Variants in RBM39 observed in about 807,000 individuals in gnomAD.
RBM39 encodes the protein RNA binding motif protein 39, also known as RNA-binding protein 39.
Under a neutral mutation model 79.6 loss-of-function variants are expected in RBM39, and 12 were observed. That is an observed-to-expected ratio of 0.15 (90% CI 0.10 to 0.24). RBM39 has a LOEUF of 0.24. Ranked by LOEUF, RBM39 falls within the 10% of genes least tolerant of loss-of-function variation. RBM39 has a pLI of 1.00. For synonymous variants in RBM39, 185 were observed against 208.4 expected, an observed-to-expected ratio of 0.89 and a Z score of 0.97; for missense variants, 243 against 653.4, an observed-to-expected ratio of 0.37 and a Z score of 6.85.
chr20:35,719,495 A>C (rs2037622238), intron 9 of RBM39, among the ~76,000 whole-genome samples: 1 of 152,002 alleles, frequency 6.6e-6, no homozygotes, highest in Non-Finnish European at 1.5e-5. Flanking sequence ...TGAGGTCAAG[A>C]GTTCGAGACC....
chr20:35,714,422 G>C, intron 10 of RBM39, 33 bp from the exon 11 acceptor site: 1 of 1,570,512 alleles, frequency 6.4e-7, no homozygotes, highest in Admixed American at 1.9e-5. Flanking sequence ...ACAGGAGACA[G>C]TGCTTTAATT....
At chr20:35,717,097 T>C (rs916191428) in intron 9 of RBM39, among the ~76,000 whole-genome samples, 1 of 151,996 alleles carries the variant, frequency 6.6e-6, no homozygotes, top group Admixed American at 6.6e-5. Flanking sequence ...CTGGCCAACA[T>C]GACGAAATCA....
At chr20:35,741,309 C>CAT (rs943533220) in intron 1 of RBM39, among the ~76,000 whole-genome samples, 5 of 152,018 alleles carry the variant, frequency 3.3e-5, no homozygotes, top group African/African-American at 1.2e-4. Context: ...GCTGGGATTA[C>CAT]AGGCGTGAGC....
chr20:35,716,255 C>G (rs141035873), intron 10 of RBM39, among the ~76,000 whole-genome samples: 1 of 151,932 alleles, frequency 6.6e-6, no homozygotes, highest in Non-Finnish European at 1.5e-5. Flanking sequence ...TGTATTTTTA[C>G]TAGAGACGGG....
chr20:35,706,008 C>A (rs2035688057), intron 14 of RBM39, among the ~76,000 whole-genome samples: 1 of 152,158 alleles, frequency 6.6e-6, no homozygotes, highest in Non-Finnish European at 1.5e-5. Flanking sequence ...TCAAGACCAG[C>A]CTGGCCAACA....
intron 7 of RBM39, 67 bp from the exon 8 acceptor site, chr20:35,724,789 C>T: frequency 6.5e-7 from 1 of 1,531,178 alleles, no homozygotes; most frequent in Non-Finnish European, 9.0e-7. Flanking sequence ...TTTCAAGAGA[C>T]ACTGTTGAAG....
chr20:35,705,894 G>C (rs956309088), intron 14 of RBM39, among the ~76,000 whole-genome samples: 5 of 152,090 alleles, frequency 3.3e-5, no homozygotes, highest in Admixed American at 1.3e-4. Context: ...TGCATAACTT[G>C]AAAGTGACTT....
chr20:35,736,591 G>C (rs911111233), intron 3 of RBM39: 2 of 470,074 alleles, frequency 4.3e-6, no homozygotes, highest in South Asian at 3.1e-5. Flanking sequence ...GAGCCAAAAA[G>C]AAATCAAATA....
chr20:35,733,363 T>C (rs1284231489), intron 3 of RBM39, among the ~76,000 whole-genome samples: 1 of 149,908 alleles, frequency 6.7e-6, no homozygotes, highest in East Asian at 2.0e-4. Flanking sequence ...ATCTCAGCAC[T>C]TTGGGAGGCT....
chr20:35,730,301 G>A (rs962933633), intron 4 of RBM39, among the ~76,000 whole-genome samples: 2 of 152,124 alleles, frequency 1.3e-5, no homozygotes, highest in Non-Finnish European at 2.9e-5. Context: ...TAACTTAAAG[G>A]GACTAGCCAG....
At chr20:35,732,481 G>A (rs535420765) in intron 3 of RBM39, 6 of 229,462 alleles carry the variant, frequency 2.6e-5, no homozygotes, top group South Asian at 6.1e-5. Context: ...GCTCAAACCC[G>A]GGAAGCGGAG....
chr20:35,720,227 A>G (rs1054362863), intron 9 of RBM39, among the ~76,000 whole-genome samples: 21 of 152,146 alleles, frequency 1.4e-4, no homozygotes, highest in African/African-American at 4.6e-4. Flanking sequence ...TCTCCTCAAC[A>G]CAGAACTAGT....
chr20:35,718,999 A>G lies in RBM39; in HGVS notation c.826-2194T>C, dbSNP rs8183404. Among the ~76,000 whole-genome samples, 6 of 151,940 alleles carry G rather than the reference A, an allele frequency of 3.9e-5. 1 individual carries two copies. The East Asian group carries it at 9.7e-4, about 24-fold the overall frequency. ...AAAATAATAAAATAAACCTTTAAAA[A>G]GGGCTTCTTATTAAAGCTGCTACAT... On this transcript the variant is annotated intron_variant, in intron 9 of 16. Transcript: ENST00000253363.
At chr20:35,705,178 G>A (rs1464995698) in intron 15 of RBM39, 47 bp downstream of exon 15, 1 of 1,126,222 alleles carries the variant, frequency 8.9e-7, no homozygotes, top group Non-Finnish European at 1.3e-6. Flanking sequence ...GAAGATTAAG[G>A]TAGAGACGAA....
At position 35,727,598 on chromosome 20, in the gene RBM39, C is replaced by A. The variant is rs578262620; in HGVS notation, c.416+1714G>T. 1.2e-4 allele frequency among the ~76,000 whole-genome samples: 19 copies of A among 152,048 alleles called. No individual in the cohort carries two copies. The East Asian group carries it at 3.7e-3, about 29-fold the overall frequency. ...TCAAGTGATTCTCTTGCCTCAGCAT[C>A]CCAAGTAGCTGGGACTACAGGTGCA... On this transcript the variant is annotated intron_variant, in intron 6 of 16. Transcript: ENST00000253363.
In RBM39 at chr20:35,719,941, C is replaced by T. The variant is rs184035272; in HGVS notation, c.825+1799G>A. The T allele has an allele frequency of 2.1e-3, 531 of 252,768 alleles. 1 individual carries two copies. The highest frequency in any genetic ancestry group is 2.9e-3 in the Non-Finnish European group (339 of 118,286). 15.7% of individuals were successfully genotyped at this position (252,768 alleles called of 1,614,324 possible). A position where few individuals can be genotyped will look rare whatever the true frequency, so the allele number is the denominator to read the frequency against. On this transcript the variant is annotated intron_variant, in intron 9 of 16. Coordinates refer to ENST00000253363, the MANE Select transcript of RBM39 (RefSeq NM_184234.3). ...GGGATTAGAGGGATGCGCCACCACA[C>T]CCACCTAATTTTTCTATTTTTAGTA... is the stretch of plus-strand genomic sequence containing the variant.
chr20:35,740,069 A>G (rs1056548831), intron 2 of RBM39: 3 of 157,072 alleles, frequency 1.9e-5, no homozygotes, highest in Admixed American at 1.9e-4. Flanking sequence ...TTTTAGTGTG[A>G]AATACTATGG....
chr20:35,739,027 G>A lies in RBM39; in HGVS notation c.52-10C>T. ...TCAACTTGTTCTCATCCTAAGCAGG[G>A]TTGATAGAAGAACATCATGAGGACG... On this transcript the variant is annotated splice_polypyrimidine_tract_variant and intron_variant, in intron 2 of 16. Coordinates refer to ENST00000253363, the MANE Select transcript of RBM39 (RefSeq NM_184234.3). 2 of 1,608,744 alleles carry A rather than the reference G, an allele frequency of 1.2e-6. No individual in the cohort carries two copies. Among genetic ancestry groups the A allele is most frequent in the Non-Finnish European group, 1.7e-6 (2 of 1,175,146 alleles).
chr20:35,715,995 A>G, intron 10 of RBM39, among the ~76,000 whole-genome samples: 1 of 152,136 alleles, frequency 6.6e-6, no homozygotes, highest in East Asian at 1.9e-4. Flanking sequence ...AGCAGCTGTT[A>G]GTGTCATGTT....
Sources: allele counts gnomAD v4.1 joint callset (sites outside exome capture counted in the v4.1 genomes callset), GRCh38; gene constraint gnomAD v4.1.1; transcripts MANE v1.5; gene names NCBI Gene and HGNC (gene_info 2026-07-23, HGNC 2026-07-21).